The following FER variants were observed in gnomAD, a reference collection of about 807,000 sequenced individuals.
The protein encoded by FER is tyrosine-protein kinase Fer.
Under a neutral mutation model 111.0 loss-of-function variants are expected in FER, and 63 were observed. The observed-to-expected ratio is 0.57, with a 90% confidence interval of 0.46 to 0.70. The LOEUF is 0.70. Among genes scored for constraint, FER ranks in the 30% least tolerant of loss-of-function variants. The pLI is 0.00. For missense variants in FER, 914 were observed against 954.0 expected (o/e 0.96, Z 0.55); for synonymous variants, 327 against 313.9 (o/e 1.04, Z -0.44).
At chr5:108,854,349 G>A (rs150928080) in intron 5 of FER, among the ~76,000 whole-genome samples, 23 of 152,254 alleles carry the variant, frequency 1.5e-4, no homozygotes, top group Middle Eastern at 3.4e-3. Context: ...CACTAGAGCC[G>A]TTTCAAACAG....
intron 8 of FER, among the ~76,000 whole-genome samples, chr5:108,881,505 C>G (rs76166021): frequency 6.6e-6 from 1 of 152,060 alleles, no homozygotes; most frequent in Non-Finnish European, 1.5e-5. Flanking sequence ...AGTTACAATT[C>G]GAGATGAGAT....
At chr5:108,849,962 C>T (rs1017261269) in intron 5 of FER, among the ~76,000 whole-genome samples, 7 of 151,972 alleles carry the variant, frequency 4.6e-5, no homozygotes, top group South Asian at 2.1e-4. Context: ...GAGGCCAAGG[C>T]GGGTGGATCA....
At chr5:109,150,157 C>G (rs1184036919) in intron 17 of FER, among the ~76,000 whole-genome samples, 2 of 152,124 alleles carry the variant, frequency 1.3e-5, no homozygotes, top group African/African-American at 4.8e-5. Context: ...GGACCACTGC[C>G]TTAGACTGAG....
rs916996991 is a variant in FER, at chr5:108,883,535, C to A, written c.1046+17C>A. The stretch of plus-strand genomic sequence containing the variant: ...GAAGTCTGAGTGAGTAAAAGAGAAA[C>A]AATTTGAAGGAAGAATGTTTAATTG... On this transcript the variant is annotated intron_variant, in intron 9 of 19. Coordinates refer to ENST00000281092, the MANE Select transcript of FER (RefSeq NM_005246.4). The A allele has an allele frequency of 2.6e-6, 4 of 1,548,366 alleles. No individual in the cohort carries two copies. The highest frequency in any genetic ancestry group is 2.6e-6 in the Non-Finnish European group (3 of 1,145,414).
intron 2 of FER, among the ~76,000 whole-genome samples, chr5:108,794,482 G>A (rs939913641): frequency 6.6e-6 from 1 of 151,120 alleles, no homozygotes; most frequent in Non-Finnish European, 1.5e-5. Context: ...GCCTCCCAAA[G>A]TGCTGGGATT....
intron 17 of FER, among the ~76,000 whole-genome samples, chr5:109,166,796 A>C (rs940147056): frequency 6.6e-6 from 1 of 152,098 alleles, no homozygotes; most frequent in Non-Finnish European, 1.5e-5. Context: ...CTGGCTGTAG[A>C]TTGAGTCCCT....
At chr5:108,750,397 T>G (rs997302227) in intron 1 of FER, among the ~76,000 whole-genome samples, 1 of 152,184 alleles carries the variant, frequency 6.6e-6, no homozygotes, top group African/African-American at 2.4e-5. Flanking sequence ...GAGTGTATCT[T>G]TTTGTAGTCC....
At chr5:109,013,930 G>T (rs1347553214) in intron 13 of FER, among the ~76,000 whole-genome samples, 12 of 151,634 alleles carry the variant, frequency 7.9e-5, no homozygotes, top group South Asian at 2.1e-4. Flanking sequence ...GATGGGGTTG[G>T]TTCTTTTTTT....
intron 17 of FER, among the ~76,000 whole-genome samples, chr5:109,119,637 G>T (rs1033312261): frequency 8.5e-5 from 13 of 152,092 alleles, no homozygotes; most frequent in African/African-American, 3.1e-4. Flanking sequence ...TTATTGTGTG[G>T]GAGTCTAAGT....
chr5:108,989,624 T>C (rs79800756), intron 13 of FER, among the ~76,000 whole-genome samples: 8,959 of 152,040 alleles, frequency 0.059, 404 homozygotes, highest in South Asian at 0.12. Context: ...ATTACATATG[T>C]GTATTTTTTC....
intron 13 of FER, among the ~76,000 whole-genome samples, chr5:109,021,236 C>A (rs981117360): frequency 2.0e-5 from 3 of 151,934 alleles, no homozygotes; most frequent in Non-Finnish European, 4.4e-5. Flanking sequence ...TGCTTACTAA[C>A]GGTAGGTCTG....
intron 13 of FER, among the ~76,000 whole-genome samples, chr5:109,005,777 G>T (rs11739880): frequency 0.084 from 12,735 of 152,266 alleles, 718 homozygotes; most frequent in Non-Finnish European, 0.12. Flanking sequence ...CAAGGACCAT[G>T]TGTTCTGCCT....
intron 17 of FER, among the ~76,000 whole-genome samples, chr5:109,146,696 G>A (rs1393547112): frequency 6.6e-6 from 1 of 151,956 alleles, no homozygotes; most frequent in Admixed American, 6.6e-5. Context: ...CTTCCCCAAA[G>A]TGACACATCG....
chr5:108,946,285 C>A, intron 11 of FER, 63 bp downstream of exon 11: 1 of 1,035,488 alleles, frequency 9.7e-7, no homozygotes, highest in Non-Finnish European at 1.5e-6. Flanking sequence ...TTCTGATGCA[C>A]TAATGAATAT....
intron 17 of FER, among the ~76,000 whole-genome samples, chr5:109,135,506 T>G (rs758148826): frequency 7.2e-5 from 11 of 152,162 alleles, no homozygotes; most frequent in Non-Finnish European, 1.0e-4. Flanking sequence ...GGTTACATAT[T>G]GGTAATTTCA....
rs749985960 is a variant in FER, at chr5:109,011,781, C to T, written c.1657-25641C>T. Among the ~76,000 whole-genome samples the T allele has an allele frequency of 5.5e-4, 84 of 152,286 alleles. 1 individual carries two copies. The highest frequency in any genetic ancestry group is 3.4e-3 in the Middle Eastern group (1 of 294). On this transcript the variant is annotated intron_variant, in intron 13 of 19. Transcript: ENST00000281092. ...CTGTGCAGATTCAGGGCTGCTTCCT[C>T]TTTTATTTTTTCTTTGGGACAAAAG... is the stretch of plus-strand genomic sequence containing the variant.
intron 17 of FER, among the ~76,000 whole-genome samples, chr5:109,156,055 C>T (rs763972660): frequency 1.3e-5 from 2 of 151,724 alleles, no homozygotes; most frequent in East Asian, 1.9e-4. Context: ...TCCTTATAAG[C>T]GATATTAAGG....
chr5:109,142,814 CCTT>C (rs1428813830), intron 17 of FER, among the ~76,000 whole-genome samples: 3 of 152,094 alleles, frequency 2.0e-5, no homozygotes, highest in South Asian at 2.1e-4. Context: ...GCATTGAACT[CCTT>C]CTTCTGTGGA....
At chr5:108,937,640 G>C (rs955842590) in intron 10 of FER, among the ~76,000 whole-genome samples, 1 of 151,914 alleles carries the variant, frequency 6.6e-6, no homozygotes, top group African/African-American at 2.4e-5. Flanking sequence ...AGTCTGAGAG[G>C]TTGGAGGATA....
Sources: gnomAD v4.1 joint callset for allele counts (sites outside exome capture counted in the v4.1 genomes callset) on GRCh38, gnomAD v4.1.1 for gene constraint, MANE v1.5 for transcripts, NCBI Gene and HGNC (gene_info 2026-07-23, HGNC 2026-07-21) for gene names.